The following JHY variants were observed in gnomAD, a reference collection of about 807,000 sequenced individuals.
The protein encoded by JHY is jhy protein homolog.
JHY carries 69 observed loss-of-function variants against 78.0 expected under a neutral mutation model. The observed-to-expected ratio is 0.88, with a 90% CI of 0.73 to 1.08. The LOEUF is 1.08. JHY is among the 50% of genes least tolerant of loss of function. JHY has a pLI of 0.00. For synonymous variants in JHY, 368 were observed against 342.6 expected (o/e 1.07, Z -0.82); for missense variants, 944 against 927.8 (o/e 1.02, Z -0.23).
chr11:122,902,019 G>C (rs1446627989), intron 2 of JHY, among the ~76,000 whole-genome samples: 1 of 152,002 alleles, frequency 6.6e-6, no homozygotes, highest in Non-Finnish European at 1.5e-5. Context: ...AAGGTCTTCA[G>C]GGGCAGTAAC....
intron 2 of JHY, 67 bp downstream of exon 2, chr11:122,886,260 C>A: frequency 1.4e-6 from 2 of 1,453,028 alleles, no homozygotes; most frequent in Non-Finnish European, 1.9e-6. Context: ...TTACTGTCGT[C>A]ATTCCAAATT....
intron 8 of JHY, chr11:122,958,943 G>C (rs1864248024): frequency 1.0e-6 from 1 of 985,170 alleles, no homozygotes; most frequent in African/African-American, 1.7e-5. Flanking sequence ...CGGAAACTAA[G>C]TAGACCAAAC....
Position 122,961,616 on chromosome 11 carries a change from A to G in JHY, c.*2171A>G, listed in dbSNP as rs1864318752. Among the ~76,000 whole-genome samples, 1 of 152,146 alleles carries G rather than the reference A, an allele frequency of 6.6e-6. No individual in the cohort carries two copies. Among genetic ancestry groups the G allele is most frequent in the Admixed American group, 6.5e-5 (1 of 15,270 alleles). On this transcript the variant is annotated 3_prime_UTR_variant, in exon 9 of 9. Coordinates refer to ENST00000227349, the MANE Select transcript of JHY (RefSeq NM_024806.4). ...GTGATCCGCCCACCTTGGCCTTCCA[A>G]AGTGCTGGGATTACAGGCGTTAGCT...
At chr11:122,925,506 G>T (rs1014045624) in intron 4 of JHY, among the ~76,000 whole-genome samples, 2 of 152,152 alleles carry the variant, frequency 1.3e-5, no homozygotes, top group Non-Finnish European at 2.9e-5. Context: ...CATCCTTTCT[G>T]GCCTTGGGTT....
At chr11:122,923,701 A>G (rs142534683) in intron 3 of JHY, among the ~76,000 whole-genome samples, 7 of 147,964 alleles carry the variant, frequency 4.7e-5, no homozygotes, top group Admixed American at 1.3e-4. Flanking sequence ...CTTTTTATTT[A>G]TTTATTTATC....
intron 6 of JHY, among the ~76,000 whole-genome samples, chr11:122,948,252 T>C (rs1591397785): frequency 6.6e-6 from 1 of 151,840 alleles, no homozygotes; most frequent in Non-Finnish European, 1.5e-5. Flanking sequence ...GAGACCAGCT[T>C]GGACAACATG....
chr11:122,886,180 G>A lies in JHY; in HGVS notation c.331G>A (p.Gly111Ser), dbSNP rs1424592040. The change falls in exon 2 of 9, where the codon GGC becomes AGC. Residue 111 changes from glycine (G) to serine (S), a missense_variant. By Grantham distance (56) the Gly-to-Ser change is moderately conservative. Coordinates refer to ENST00000227349, the MANE Select transcript of JHY (RefSeq NM_024806.4). ...REQNHHTWDQ[G>S]ANNRQQPIED... ...GCAAAACCACCATACCTGGGACCAG[G>A]GCGCCAATAACAGGTAAGGAATTGG... The A allele has an allele frequency of 1.2e-6, 2 of 1,610,658 alleles. No homozygotes were observed. The highest frequency in any genetic ancestry group is 4.5e-5 in the East Asian group (2 of 44,818).
intron 4 of JHY, among the ~76,000 whole-genome samples, chr11:122,931,939 A>G (rs1174508565): frequency 1.3e-5 from 2 of 152,130 alleles, no homozygotes; most frequent in Non-Finnish European, 2.9e-5. Context: ...AGGCATCAGG[A>G]TTCCCCCATG....
intron 6 of JHY, 103 bp downstream of exon 6, chr11:122,946,895 T>TG (rs1863977292): frequency 6.8e-5 from 95 of 1,389,350 alleles, no homozygotes; most frequent in Non-Finnish European, 9.1e-5. Context: ...ATTACTGAGT[T>TG]GCTGCCACAC....
intron 5 of JHY, among the ~76,000 whole-genome samples, chr11:122,942,401 T>C (rs994109743): frequency 6.6e-6 from 1 of 152,168 alleles, no homozygotes; most frequent in Non-Finnish European, 1.5e-5. Context: ...TTGAATTTAC[T>C]TCAGTGTTTT....
chr11:122,885,227 G>A (rs924832916), intron 1 of JHY, among the ~76,000 whole-genome samples: 6 of 152,062 alleles, frequency 3.9e-5, no homozygotes, highest in African/African-American at 1.4e-4. Flanking sequence ...TCCAAATGAT[G>A]TTGCCAGCCC....
chr11:122,892,483 T>A (rs1177703299), intron 2 of JHY, among the ~76,000 whole-genome samples: 1 of 151,954 alleles, frequency 6.6e-6, no homozygotes, highest in Non-Finnish European at 1.5e-5. Flanking sequence ...CCACCATGCC[T>A]GGCTAATTTT....
At chr11:122,902,185 G>T (rs994036896) in intron 2 of JHY, among the ~76,000 whole-genome samples, 1 of 150,272 alleles carries the variant, frequency 6.7e-6, no homozygotes, top group Non-Finnish European at 1.5e-5. Flanking sequence ...GGCTGGGGAC[G>T]GTGGCTTGCA....
At chr11:122,928,281 C>T (rs112809218) in intron 4 of JHY, among the ~76,000 whole-genome samples, 5,886 of 152,168 alleles carry the variant, frequency 0.039, 382 homozygotes, top group African/African-American at 0.13. Context: ...GTACTCCAGC[C>T]TGGGCAATAG....
intron 5 of JHY, among the ~76,000 whole-genome samples, chr11:122,945,913 A>G (rs1205295377): frequency 6.6e-6 from 1 of 152,180 alleles, no homozygotes; most frequent in Non-Finnish European, 1.5e-5. Flanking sequence ...GTTTTGAATT[A>G]ATGTAGCTTT....
intron 8 of JHY, 68 bp downstream of exon 8, chr11:122,957,559 T>C: frequency 1.2e-5 from 6 of 512,336 alleles, no homozygotes; most frequent in South Asian, 7.3e-5. Flanking sequence ...ATTATCGCTT[T>C]TTTTTTTTTT....
At chr11:122,954,589 G>T (rs965452861) in intron 6 of JHY, among the ~76,000 whole-genome samples, 3 of 152,158 alleles carry the variant, frequency 2.0e-5, no homozygotes, top group Non-Finnish European at 4.4e-5. Context: ...TCTTAGAAAA[G>T]GGCAAGTTAG....
Position 122,959,527 on chromosome 11 carries a change from G to T in JHY, c.*82G>T. ...AAACGCCAACCACCTTCTCTGCGTTGAGAGTAATGGCCTATTATTATCATC... is the reference window on the plus strand; with the variant it reads ...AAACGCCAACCACCTTCTCTGCGTTTAGAGTAATGGCCTATTATTATCATC... On this transcript the variant is annotated 3_prime_UTR_variant, in exon 9 of 9. Transcript: ENST00000227349. 1 of 1,289,172 alleles carries T rather than the reference G, an allele frequency of 7.8e-7. No individual in the cohort carries two copies. The highest frequency in any genetic ancestry group is 1.3e-5 in the South Asian group (1 of 74,642). 79.9% of individuals were successfully genotyped at this position (1,289,172 alleles called of 1,614,324 possible). A position where few individuals can be genotyped will look rare whatever the true frequency, so the allele number is the denominator to read the frequency against.
intron 3 of JHY, chr11:122,905,480 C>A: frequency 8.1e-7 from 1 of 1,232,576 alleles, no homozygotes; most frequent in South Asian, 3.5e-5. Flanking sequence ...CATATTCTAA[C>A]CTGTTCTAAC....
Sources: allele counts gnomAD v4.1 joint callset (sites outside exome capture counted in the v4.1 genomes callset), GRCh38; gene constraint gnomAD v4.1.1; transcripts MANE v1.5; gene names NCBI Gene and HGNC (gene_info 2026-07-23, HGNC 2026-07-21).